PAK6: variants seen among roughly 807,000 people sequenced by gnomAD.
PAK6 encodes the protein serine/threonine-protein kinase PAK 6.
In PAK6, 33 loss-of-function variants were observed where a neutral mutation model predicts 60.8. The ratio of observed to expected loss-of-function variants is 0.54; its 90% confidence interval spans 0.41 to 0.73. The LOEUF is 0.73. Among genes scored for constraint, PAK6 ranks in the 30% least tolerant of loss-of-function variants. PAK6 has a pLI of 0.00. For synonymous variants in PAK6, 404 were observed against 378.5 expected, an observed-to-expected ratio of 1.07 and a Z score of -0.78; for missense variants, 845 against 904.1, an observed-to-expected ratio of 0.93 and a Z score of 0.84.
chr15:40,249,410 C>A (rs1034654240), intron 2 of PAK6, among the ~76,000 whole-genome samples: 3 of 152,276 alleles, frequency 2.0e-5, no homozygotes, highest in East Asian at 3.9e-4. Context: ...TTGTAAAATG[C>A]GAATAATAAT....
intron 3 of PAK6, among the ~76,000 whole-genome samples, 171 bp downstream of exon 3, chr15:40,253,460 C>T (rs1202842407): frequency 6.6e-6 from 1 of 152,260 alleles, no homozygotes; most frequent in Non-Finnish European, 1.5e-5. Flanking sequence ...TTAGTGGGTG[C>T]ATGTTAAGTC....
chr15:40,263,554 G>A (rs1236302348), intron 3 of PAK6, among the ~76,000 whole-genome samples: 2 of 152,154 alleles, frequency 1.3e-5, no homozygotes, highest in Non-Finnish European at 2.9e-5. Context: ...AGCTCAGCAC[G>A]ACCTTAGGCA....
intron 2 of PAK6, among the ~76,000 whole-genome samples, chr15:40,242,721 C>T (rs1045103787): frequency 1.1e-4 from 16 of 152,198 alleles, no homozygotes; most frequent in South Asian, 4.1e-4. Context: ...AGGTGCCCTC[C>T]ACCCCACCAG....
chr15:40,268,979 G>A (rs117225032), intron 5 of PAK6, among the ~76,000 whole-genome samples: 60 of 152,298 alleles, frequency 3.9e-4, no homozygotes, highest in Non-Finnish European at 6.3e-4. Flanking sequence ...GAGATAGTAC[G>A]TTGAAGGCAC....
chr15:40,264,885 G>T (rs1465862364), exon 4 of PAK6: 1 of 1,613,994 alleles, frequency 6.2e-7, no homozygotes, highest in South Asian at 1.1e-5. Context: ...AGGCAAGTTT[G>T]TGGGCCTCCC....
At chr15:40,253,320 G>A (rs1366525399) in intron 3 of PAK6, 31 bp downstream of exon 3, 6 of 454,188 alleles carry the variant, frequency 1.3e-5, no homozygotes, top group Non-Finnish European at 2.6e-5. Flanking sequence ...CGGCCCTAGA[G>A]CCTTCTGCAC....
At chr15:40,272,757 G>C in intron 6 of PAK6, 36 bp downstream of exon 6, 1 of 1,578,236 alleles carries the variant, frequency 6.3e-7, no homozygotes, top group Non-Finnish European at 8.6e-7. Context: ...CGGGGGCGTT[G>C]GGGATGGGCA....
chr15:40,270,468 A>G (rs1426021239), intron 5 of PAK6, among the ~76,000 whole-genome samples: 2 of 152,172 alleles, frequency 1.3e-5, no homozygotes, highest in East Asian at 3.8e-4. Flanking sequence ...ATCTCTGCAC[A>G]CGTCCCTGCA....
At chr15:40,266,281 A>G (rs3743135) in exon 5 of PAK6, 152,988 of 1,611,244 alleles carry the variant, frequency 0.095, 9,692 homozygotes, top group African/African-American at 0.3. Context: ...ACCAATAGGC[A>G]TGGAATGAAG....
chr15:40,266,664 T>A, intron 5 of PAK6, 169 bp downstream of exon 5: 1 of 538,502 alleles, frequency 1.9e-6, no homozygotes. Flanking sequence ...GTGGCTCGCC[T>A]CCTCCTTCCC....
intron 2 of PAK6, among the ~76,000 whole-genome samples, chr15:40,243,524 G>C (rs560380161): frequency 7.2e-5 from 11 of 152,204 alleles, no homozygotes; most frequent in Non-Finnish European, 1.3e-4. Context: ...TGTTCAGCAA[G>C]AGATAACTAT....
chr15:40,265,585 A>C (rs933141973), intron 4 of PAK6, among the ~76,000 whole-genome samples: 1 of 152,164 alleles, frequency 6.6e-6, no homozygotes, highest in African/African-American at 2.4e-5. Context: ...GGCATGCTGG[A>C]TGCAGCCCCA....
At chr15:40,275,860 C>A in intron 10 of PAK6, 67 bp from the exon 11 acceptor site, 2 of 1,444,388 alleles carry the variant, frequency 1.4e-6, no homozygotes, top group Non-Finnish European at 1.9e-6. Context: ...AATGATAAGT[C>A]CAGGCAATCA....
rs1595604367 is a variant in PAK6, at chr15:40,273,489, C to T, written c.1617+17C>T. ...GATGGCAGGGTAGGTCCCATCCTGT[C>T]CCTGGCACAGCCACGCTCCCACTTC... On this transcript the variant is annotated intron_variant, in intron 8 of 10. Transcript: ENST00000560346. The T allele has an allele frequency of 6.2e-7, 1 of 1,613,598 alleles. No individual in the cohort carries two copies. The highest frequency in any genetic ancestry group is 8.5e-7 in the Non-Finnish European group (1 of 1,179,804).
intron 3 of PAK6, among the ~76,000 whole-genome samples, chr15:40,261,856 T>C (rs2038993822): frequency 1.3e-5 from 2 of 152,214 alleles, no homozygotes; most frequent in Admixed American, 1.3e-4. Context: ...CCCTCTGGGC[T>C]GTCCTTCTTT....
intron 1 of PAK6, among the ~76,000 whole-genome samples, chr15:40,240,300 G>T (rs1466508075): frequency 1.3e-5 from 2 of 152,214 alleles, no homozygotes; most frequent in Non-Finnish European, 2.9e-5. Flanking sequence ...AGTGAGAAGG[G>T]TGCTGGCCAG....
rs367831338 is a variant in PAK6 at position 40,272,337 on chromosome 15, G to A, written c.972G>A (p.Ser324=). The change falls in exon 6 of 11, where the codon TCG becomes TCA. Residue 324 remains serine, a synonymous_variant. Transcript: ENST00000560346. ...GGACCTTCAGCCCTCTGACCACTTCGGATACCAGCAGCCCCCAGAAGTCCC... is the reference window on the plus strand; with the variant it reads ...GGACCTTCAGCCCTCTGACCACTTCAGATACCAGCAGCCCCCAGAAGTCCC... 64 of 1,613,756 alleles carry A rather than the reference G, an allele frequency of 4.0e-5. No homozygotes were observed. The African/African-American group carries it at 6.5e-4, about 16-fold the overall frequency.
intron 3 of PAK6, among the ~76,000 whole-genome samples, chr15:40,257,852 C>T (rs2038880322): frequency 6.6e-6 from 1 of 152,070 alleles, no homozygotes; most frequent in Non-Finnish European, 1.5e-5. Flanking sequence ...ACCAGCCAAG[C>T]CTCAGTGCCA....
chr15:40,255,935 G>T (rs2038822073), intron 3 of PAK6, among the ~76,000 whole-genome samples: 1 of 152,222 alleles, frequency 6.6e-6, no homozygotes, highest in Admixed American at 6.5e-5. Context: ...CAGAAGGTTG[G>T]CCTAGAGCAA....
Sources: gnomAD v4.1 joint callset for allele counts (sites outside exome capture counted in the v4.1 genomes callset) on GRCh38, gnomAD v4.1.1 for gene constraint, MANE v1.5 for transcripts, NCBI Gene and HGNC (gene_info 2026-07-23, HGNC 2026-07-21) for gene names.